ADAM23: variants seen among roughly 807,000 people sequenced by gnomAD.
ADAM23 encodes ADAM metallopeptidase domain 23.
In ADAM23, 33 loss-of-function variants were observed where a neutral mutation model predicts 120.1. The ratio of observed to expected loss-of-function variants is 0.27; its 90% CI spans 0.21 to 0.37. ADAM23 has a LOEUF of 0.37. Among genes scored for constraint, ADAM23 ranks in the 10% least tolerant of loss-of-function variants. ADAM23 has a pLI of 1.00. For synonymous variants in ADAM23, 367 were observed against 375.2 expected (o/e 0.98, Z 0.25); for missense variants, 862 against 1,058.2 (o/e 0.81, Z 2.57).
At chr2:206,467,788 CT>C (rs1443718868) in intron 2 of ADAM23, among the ~76,000 whole-genome samples, 1 of 152,236 alleles carries the variant, frequency 6.6e-6, no homozygotes, top group Non-Finnish European at 1.5e-5. Flanking sequence ...GGCTCCGCCC[CT>C]GAAGCAGGCT....
At chr2:206,556,033 T>A (rs151182803) in intron 9 of ADAM23, among the ~76,000 whole-genome samples, 330 of 152,256 alleles carry the variant, frequency 2.2e-3, no homozygotes, top group African/African-American at 7.7e-3. Flanking sequence ...ATTAATAGGA[T>A]GTTTTATGAC....
chr2:206,603,945 T>A (rs1270867476), intron 24 of ADAM23, among the ~76,000 whole-genome samples: 3 of 148,596 alleles, frequency 2.0e-5, no homozygotes, highest in Non-Finnish European at 4.5e-5. Flanking sequence ...TGAGAACCAA[T>A]GCCTGAAACT....
intron 24 of ADAM23, among the ~76,000 whole-genome samples, chr2:206,596,499 A>G (rs1319313974): frequency 6.6e-6 from 1 of 152,192 alleles, no homozygotes; most frequent in Non-Finnish European, 1.5e-5. Flanking sequence ...TTTTTCTAAT[A>G]GATCAAATCT....
intron 2 of ADAM23, among the ~76,000 whole-genome samples, chr2:206,447,977 G>C (rs1275282289): frequency 1.3e-5 from 2 of 152,210 alleles, no homozygotes; most frequent in Non-Finnish European, 2.9e-5. Flanking sequence ...AGCTGTGAAA[G>C]TTAACATGTT....
intron 3 of ADAM23, among the ~76,000 whole-genome samples, chr2:206,483,068 C>T (rs1179835486): frequency 1.3e-5 from 2 of 152,140 alleles, no homozygotes; most frequent in African/African-American, 4.8e-5. Flanking sequence ...GGGCCATTAT[C>T]CCCTAGACTG....
At chr2:206,504,317 G>A (rs1696451408) in intron 3 of ADAM23, among the ~76,000 whole-genome samples, 1 of 152,012 alleles carries the variant, frequency 6.6e-6, no homozygotes, top group South Asian at 2.1e-4. Context: ...TGTTATATAG[G>A]TTATCATATT....
At chr2:206,604,021 C>G (rs1438416981) in intron 24 of ADAM23, among the ~76,000 whole-genome samples, 1 of 150,780 alleles carries the variant, frequency 6.6e-6, no homozygotes, top group Non-Finnish European at 1.5e-5. Context: ...AATCCCAGCA[C>G]TTTGGGAGGC....
At position 206,541,974 on chromosome 2, in the gene ADAM23, C is replaced by A; in HGVS notation, c.574-78C>A. 6.2e-6 allele frequency: 9 copies of A among 1,440,530 alleles called. No individual in the cohort carries two copies. In the South Asian group the frequency reaches 1.0e-4, roughly 16 times the overall value. The allele number at this position is 1,440,530 out of a possible 1,614,324, so 89.2% of individuals were successfully genotyped here. On this transcript the variant is annotated intron_variant, in intron 4 of 25. Transcript: ENST00000264377. ...CACATATATGCCCATCCTTGCATTT[C>A]TTTTTGCTTTATGGAAGCACCCAAA...
At chr2:206,559,906 G>A (rs1559264232) in intron 10 of ADAM23, 49 bp from the exon 11 acceptor site, 8 of 1,547,220 alleles carry the variant, frequency 5.2e-6, no homozygotes, top group African/African-American at 1.4e-5. Context: ...GATCGTGCAT[G>A]TTTGACCCAG....
At chr2:206,452,999 T>C (rs1452099902) in intron 2 of ADAM23, among the ~76,000 whole-genome samples, 1 of 152,244 alleles carries the variant, frequency 6.6e-6, no homozygotes, top group African/African-American at 2.4e-5. Flanking sequence ...TATTTCATCA[T>C]GTGACTCCCT....
At chr2:206,465,100 C>T (rs1293311608) in intron 2 of ADAM23, among the ~76,000 whole-genome samples, 1 of 152,096 alleles carries the variant, frequency 6.6e-6, no homozygotes, top group Non-Finnish European at 1.5e-5. Flanking sequence ...GGCTGGAGTG[C>T]AGTGGTGTGA....
Position 206,561,166 on chromosome 2 carries a change from A to G in ADAM23, c.1208A>G (p.Tyr403Cys). The G allele has an allele frequency of 6.2e-7, 1 of 1,614,024 alleles. No individual in the cohort carries two copies. Among genetic ancestry groups the G allele is most frequent in the Non-Finnish European group, 8.5e-7 (1 of 1,179,974 alleles). ...TFHYKRSSLS[Y>C]FGGVCSRTRG... is the part of the protein sequence containing the mutation. Reference sequence around the variant, plus strand: ...CACTATAAGAGAAGCAGTCTGAGTTACTTTGGAGGTGTCTGTTCTCGCACA... The same window carrying G: ...CACTATAAGAGAAGCAGTCTGAGTTGCTTTGGAGGTGTCTGTTCTCGCACA... Residue 403 changes from tyrosine (Y) to cysteine (C), a missense_variant, in exon 12 of 26, where the codon TAC (tyrosine) becomes TGC (cysteine). This residue lies in a region of ADAM23 where 617 missense variants were observed against 813.5 expected (regional missense o/e 0.76). Transcript: ENST00000264377.
chr2:206,493,671 C>G (rs1387883443), intron 3 of ADAM23, among the ~76,000 whole-genome samples: 1 of 152,244 alleles, frequency 6.6e-6, no homozygotes, highest in Non-Finnish European at 1.5e-5. Context: ...CACACCTAGC[C>G]TATATTGGCT....
intron 3 of ADAM23, among the ~76,000 whole-genome samples, chr2:206,499,079 T>C (rs1013464398): frequency 3.3e-5 from 5 of 152,146 alleles, no homozygotes; most frequent in South Asian, 2.1e-4. Flanking sequence ...ATTGTGGAAG[T>C]CAGTGTGATG....
intron 9 of ADAM23, among the ~76,000 whole-genome samples, chr2:206,554,488 A>C (rs1030228727): frequency 6.6e-6 from 1 of 152,206 alleles, no homozygotes; most frequent in Admixed American, 6.5e-5. Flanking sequence ...AATAAATGTA[A>C]ATATGTGAGG....
At chr2:206,465,125 A>G (rs1186683129) in intron 2 of ADAM23, among the ~76,000 whole-genome samples, 1 of 151,176 alleles carries the variant, frequency 6.6e-6, no homozygotes, top group Non-Finnish European at 1.5e-5. Flanking sequence ...TGCTCGCCGT[A>G]GCCTCAAACT....
chr2:206,615,122 G>T (rs1423024712), intron 25 of ADAM23, among the ~76,000 whole-genome samples: 2 of 152,172 alleles, frequency 1.3e-5, no homozygotes, highest in East Asian at 3.8e-4. Context: ...AGGCTTTACG[G>T]CTCTGAGACG....
chr2:206,474,025 C>CAAAAAAAAAAAAAAAAAAAAAA (rs543494446), intron 2 of ADAM23, among the ~76,000 whole-genome samples: 1 of 128,264 alleles, frequency 7.8e-6, no homozygotes, highest in Non-Finnish European at 1.7e-5. Flanking sequence ...AAAAAAAAAA[C>CAAAAAAAAAAAAAAAAAAAAAA]AAAAAAAAAA....
At chr2:206,609,760 G>A in intron 24 of ADAM23, 150 bp from the exon 25 acceptor site, 1 of 616,030 alleles carries the variant, frequency 1.6e-6, no homozygotes, top group East Asian at 3.4e-5. Context: ...CATCTAAAAT[G>A]CAATTAAGCT....
Sources: gnomAD v4.1 joint callset for allele counts (sites outside exome capture counted in the v4.1 genomes callset) on GRCh38, gnomAD v4.1.1 for gene constraint, gnomAD v4.1.1 regional missense constraint, MANE v1.5 for transcripts, NCBI Gene and HGNC (gene_info 2026-07-23, HGNC 2026-07-21) for gene names.